RXFP2: variants seen among roughly 807,000 people sequenced by gnomAD.
RXFP2 encodes relaxin receptor 2.
RXFP2 carries 68 observed loss-of-function variants against 88.6 expected under a neutral mutation model. The observed-to-expected ratio is 0.77, with a 90% CI of 0.63 to 0.94. The LOEUF (loss-of-function observed/expected upper bound fraction) is 0.94, where lower values mean the gene tolerates loss of function less well. RXFP2 is among the 40% of genes least tolerant of loss of function. RXFP2 has a pLI of 0.00. For missense variants in RXFP2, 791 were observed against 893.9 expected (o/e 0.88, Z 1.47); for synonymous variants, 329 against 306.8 (o/e 1.07, Z -0.76).
chr13:31,747,948 T>C (rs1394304287), intron 1 of RXFP2, among the ~76,000 whole-genome samples: 1 of 152,198 alleles, frequency 6.6e-6, no homozygotes, highest in Non-Finnish European at 1.5e-5. Context: ...CTTAATTATC[T>C]TAAAAGTCAG....
chr13:31,761,452 A>G (rs1164401665), intron 2 of RXFP2, among the ~76,000 whole-genome samples: 3 of 152,230 alleles, frequency 2.0e-5, no homozygotes, highest in Admixed American at 6.5e-5. Context: ...TTAGAAATAG[A>G]TGATATTTTC....
chr13:31,761,605 T>C (rs1872305460), intron 2 of RXFP2, 119 bp from the exon 3 acceptor site: 2 of 700,632 alleles, frequency 2.9e-6, no homozygotes, highest in East Asian at 2.9e-5. Context: ...GTATTTAAAA[T>C]ATCAATAATT....
intron 1 of RXFP2, among the ~76,000 whole-genome samples, chr13:31,743,970 G>A (rs1416969205): frequency 6.6e-6 from 1 of 151,832 alleles, no homozygotes; most frequent in African/African-American, 2.4e-5. Flanking sequence ...CCCTAGATTC[G>A]CCCCCTTAAG....
chr13:31,796,413 TTTTA>T lies in RXFP2; in HGVS notation c.1787-780_1787-777del, dbSNP rs1295309345. Among the ~76,000 whole-genome samples, 5 of 151,990 alleles carry T rather than the reference TTTTA, an allele frequency of 3.3e-5. No individual in the cohort carries two copies. In the South Asian group the frequency reaches 8.3e-4, roughly 25 times the overall value. On this transcript the variant is annotated intron_variant, in intron 16 of 17. Transcript: ENST00000298386. ...TATTTTATTCATTTATTAAAATTAT[TTTTA>T]TTTATTTTTATTCTTTTATTATTCA...
intron 2 of RXFP2, among the ~76,000 whole-genome samples, chr13:31,760,070 G>A (rs1255028880): frequency 6.8e-6 from 1 of 147,682 alleles, no homozygotes; most frequent in Non-Finnish European, 1.5e-5. Flanking sequence ...TTTCAGTGTT[G>A]TTGTTGTTTG....
In RXFP2 at chr13:31,792,833, C is replaced by T; in HGVS notation, c.1531C>T (p.Leu511=). 6.2e-7 allele frequency: 1 copy of T among 1,614,174 alleles called. No homozygotes were observed. The highest frequency in any genetic ancestry group is 1.3e-5 in the African/African-American group (1 of 75,048). Residue 511 remains leucine, a synonymous_variant, in exon 16 of 18, where the codon CTG becomes TTG. Coordinates refer to ENST00000298386, the MANE Select transcript of RXFP2 (RefSeq NM_130806.5). ...LAMLSTEVSV[L]LLTYLTLEKF... is the part of the protein sequence containing the mutation. ...CATGCTGTCCACCGAAGTCTCTGTT[C>T]TGCTACTGACCTACTTGACTTTGGA... is the stretch of plus-strand genomic sequence containing the variant.
intron 1 of RXFP2, among the ~76,000 whole-genome samples, chr13:31,749,142 G>C (rs56382042): frequency 6.6e-6 from 1 of 151,920 alleles, no homozygotes; most frequent in Non-Finnish European, 1.5e-5. Context: ...TTTTTCTTAT[G>C]TTATCTTCTA....
chr13:31,754,729 T>G (rs986606948), intron 1 of RXFP2, among the ~76,000 whole-genome samples: 1 of 152,228 alleles, frequency 6.6e-6, no homozygotes, highest in African/African-American at 2.4e-5. Context: ...TCCTTGGTTA[T>G]TTATCATTTA....
intron 14 of RXFP2, among the ~76,000 whole-genome samples, chr13:31,791,404 G>A (rs1873783208): frequency 6.6e-6 from 1 of 152,170 alleles, no homozygotes; most frequent in African/African-American, 2.4e-5. Context: ...AATGTTCTAG[G>A]TGAGCGACAA....
At chr13:31,788,835 C>T (rs1486614284) in intron 13 of RXFP2, among the ~76,000 whole-genome samples, 1 of 152,082 alleles carries the variant, frequency 6.6e-6, no homozygotes, top group East Asian at 1.9e-4. Context: ...AACTACAGAG[C>T]CAATTTCATA....
intron 5 of RXFP2, among the ~76,000 whole-genome samples, chr13:31,769,072 G>A (rs1055498496): frequency 5.9e-5 from 9 of 152,098 alleles, no homozygotes; most frequent in Non-Finnish European, 1.2e-4. Flanking sequence ...TACCTACAAG[G>A]TGCCAGGCAC....
At chr13:31,746,430 C>T (rs1361900009) in intron 1 of RXFP2, among the ~76,000 whole-genome samples, 1 of 152,202 alleles carries the variant, frequency 6.6e-6, no homozygotes, top group Non-Finnish European at 1.5e-5. Context: ...GCTGAATCTA[C>T]ATTGTCTACT....
chr13:31,755,853 G>C (rs1871920680), intron 1 of RXFP2, among the ~76,000 whole-genome samples: 1 of 152,042 alleles, frequency 6.6e-6, no homozygotes. Context: ...TTTTGCTTTT[G>C]TAAGATCAAA....
chr13:31,769,337 C>T (rs562996306), intron 5 of RXFP2, among the ~76,000 whole-genome samples: 10 of 152,188 alleles, frequency 6.6e-5, no homozygotes, highest in Non-Finnish European at 1.0e-4. Context: ...CCTAAATTTA[C>T]CCCCAAGAGA....
intron 5 of RXFP2, among the ~76,000 whole-genome samples, chr13:31,766,986 G>A (rs1476726221): frequency 2.0e-5 from 3 of 152,086 alleles, no homozygotes; most frequent in Admixed American, 2.0e-4. Flanking sequence ...TGCTGTACAC[G>A]CTGCAAGCCC....
intron 5 of RXFP2, among the ~76,000 whole-genome samples, chr13:31,772,446 T>C (rs1872767758): frequency 1.3e-5 from 2 of 152,208 alleles, no homozygotes; most frequent in Admixed American, 1.3e-4. Flanking sequence ...CTGCAGGAAT[T>C]CATGAACCTG....
At chr13:31,754,709 A>G (rs1405891046) in intron 1 of RXFP2, among the ~76,000 whole-genome samples, 1 of 152,234 alleles carries the variant, frequency 6.6e-6, no homozygotes, top group Non-Finnish European at 1.5e-5. Context: ...AGGAGATTGT[A>G]AGGACATTTT....
chr13:31,772,640 G>C (rs1312718513), intron 5 of RXFP2, among the ~76,000 whole-genome samples: 1 of 152,200 alleles, frequency 6.6e-6, no homozygotes, highest in Admixed American at 6.5e-5. Flanking sequence ...AAGTTCAGCA[G>C]CCTAAGTCTG....
At chr13:31,785,975 T>A (rs887500093) in intron 11 of RXFP2, among the ~76,000 whole-genome samples, 5 of 152,258 alleles carry the variant, frequency 3.3e-5, no homozygotes, top group Admixed American at 6.5e-5. Context: ...GCAAAACAAA[T>A]CAAAGATGCA....
Sources: allele counts gnomAD v4.1 joint callset (sites outside exome capture counted in the v4.1 genomes callset), GRCh38; gene constraint gnomAD v4.1.1; transcripts MANE v1.5; gene names NCBI Gene and HGNC (gene_info 2026-07-23, HGNC 2026-07-21).